UBAP2L: variants seen among roughly 807,000 people sequenced by gnomAD.
UBAP2L encodes the protein ubiquitin-associated protein 2-like.
Under a neutral mutation model 130.6 loss-of-function variants are expected in UBAP2L, and 12 were observed. The ratio of observed to expected loss-of-function variants is 0.09; its 90% confidence interval spans 0.06 to 0.15. The LOEUF (loss-of-function observed/expected upper bound fraction) is 0.15, where lower values mean the gene tolerates loss of function less well. UBAP2L is among the 10% of genes least tolerant of loss of function. UBAP2L has a pLI of 1.00. For synonymous variants in UBAP2L, 503 were observed against 524.7 expected, an observed-to-expected ratio of 0.96 and a Z score of 0.57; for missense variants, 965 against 1,332.5, an observed-to-expected ratio of 0.72 and a Z score of 4.29.
In UBAP2L at chr1:154,251,133, C is replaced by G. The variant is rs752667099; in HGVS notation, c.1306C>G (p.Gln436Glu). 6.2e-7 allele frequency: 1 copy of G among 1,614,054 alleles called. No individual in the cohort carries two copies. The highest frequency in any genetic ancestry group is 8.5e-7 in the Non-Finnish European group (1 of 1,180,040). ...TTCAACCATGATGGAGGTGTTCCTT[C>G]AGGAGAAGTCACCTGCAGTGGCTAC... ...PSSTMMEVFL[Q>E]EKSPAVATST... Residue 436 changes from glutamine to glutamate, a missense_variant, in exon 13 of 27, where the codon CAG (glutamine) becomes GAG (glutamate). Transcript: ENST00000428931.
At chr1:154,266,858 T>TC (rs35482991) in intron 25 of UBAP2L, among the ~76,000 whole-genome samples, 36,982 of 152,060 alleles carry the variant, frequency 0.24, 5,411 homozygotes, top group East Asian at 0.45. Context: ...TCCTACCTAC[T>TC]CCCAACCTTT....
At chr1:154,248,203 G>T (rs1676241533) in intron 11 of UBAP2L, among the ~76,000 whole-genome samples, 1 of 152,092 alleles carries the variant, frequency 6.6e-6, no homozygotes, top group South Asian at 2.1e-4. Context: ...CTGACCTAAG[G>T]TGAGCTGCCC....
intron 14 of UBAP2L, among the ~76,000 whole-genome samples, chr1:154,251,996 CAG>C (rs1677778518): frequency 6.6e-6 from 1 of 152,136 alleles, no homozygotes; most frequent in South Asian, 2.1e-4. Context: ...TTTTTAAACA[CAG>C]AGTTTCACTC....
rs189870856 is a variant in UBAP2L, at chr1:154,232,285, C to T, written c.280-2306C>T. 2.7e-5 allele frequency among the ~76,000 whole-genome samples: 4 copies of T among 150,770 alleles called. No individual in the cohort carries two copies. In the East Asian group the frequency reaches 7.8e-4, roughly 29 times the overall value. On this transcript the variant is annotated intron_variant, in intron 4 of 26. Transcript: ENST00000428931. The stretch of plus-strand genomic sequence containing the variant: ...GTTGCAGTGAGCCGAGATCGCACCA[C>T]TGCACTCCAGCATGGTGACAAAGTG...
chr1:154,235,405 T>G, intron 6 of UBAP2L, 114 bp downstream of exon 6: 2 of 602,596 alleles, frequency 3.3e-6, no homozygotes, highest in Non-Finnish European at 5.9e-6. Flanking sequence ...CAGGCCGGAG[T>G]GCAGTGGCAC....
At chr1:154,258,936 A>G in intron 20 of UBAP2L, 41 bp from the exon 21 acceptor site, 4 of 1,579,694 alleles carry the variant, frequency 2.5e-6, no homozygotes, top group Non-Finnish European at 3.5e-6. Context: ...TGCTAACATC[A>G]TGACCAGTTC....
upstream of UBAP2L, chr1:154,220,572 A>C (rs1665544811): frequency 1.5e-6 from 1 of 681,616 alleles, no homozygotes; most frequent in South Asian, 1.8e-5. Flanking sequence ...GCGGACAGGC[A>C]GGAGAGCTGG....
rs200622442 is a variant in UBAP2L at position 154,233,288 on chromosome 1, T to TA, written c.280-1302dup. 5.7e-3 allele frequency among the ~76,000 whole-genome samples: 874 copies of TA among 152,056 alleles called. 13 individuals are homozygous for TA. The highest frequency in any genetic ancestry group is 0.024 in the Middle Eastern group (7 of 292). ...CCTCGGCCTCCCAAAGTGCTGGAAT[T>TA]ACAGGCGTGAGTCACCGCGCCTGGC... On this transcript the variant is annotated intron_variant, in intron 4 of 26. Transcript: ENST00000428931.
intron 23 of UBAP2L, 132 bp from the exon 24 acceptor site, chr1:154,261,460 C>G: frequency 1.1e-6 from 1 of 877,282 alleles, no homozygotes. Context: ...GAGCTAATTT[C>G]ACTAAGCAAA....
chr1:154,250,232 A>AT (rs953167674), intron 12 of UBAP2L, among the ~76,000 whole-genome samples: 5 of 151,884 alleles, frequency 3.3e-5, no homozygotes, highest in Admixed American at 6.6e-5. Flanking sequence ...CTAATTTTTA[A>AT]TTTTTTGTAG....
intron 10 of UBAP2L, among the ~76,000 whole-genome samples, chr1:154,244,784 G>A (rs1264872122): frequency 6.6e-6 from 1 of 152,150 alleles, no homozygotes; most frequent in Non-Finnish European, 1.5e-5. Context: ...GTATCCTGAA[G>A]CTCTCCAAAT....
In UBAP2L at chr1:154,251,212, C is replaced by G. The variant is rs774812504; in HGVS notation, c.1385C>G (p.Ser462Trp). 1 of 1,614,182 alleles carries G rather than the reference C, an allele frequency of 6.2e-7. No individual in the cohort carries two copies. ...TCTCCTCTGCCAAGCAAATCCACAT[C>G]GGCTCCACAGATGTCGCCTGGATCT... ...PSSPLPSKST[S>W]APQMSPGSSD... The change falls in exon 13 of 27, where the codon TCG becomes TGG. Residue 462 changes from serine (S) to tryptophan (W), a missense_variant. Around this residue, in one of 9 missense-constraint regions of UBAP2L, gnomAD observed 74 missense variants for 97.1 expected, o/e 0.76. Transcript: ENST00000428931.
chr1:154,263,458 CAAA>C lies in UBAP2L; in HGVS notation c.2902+1764_2902+1766del, dbSNP rs966420299. ...GAAGGCATGTAGTTTCAACTTGTAA[CAAA>C]AATATTTGTAGTCTTCAATAAACTG... On this transcript the variant is annotated intron_variant, in intron 24 of 26. Coordinates refer to ENST00000428931, the MANE Select transcript of UBAP2L (RefSeq NM_014847.4). 2.5e-6 allele frequency: 3 copies of C among 1,177,638 alleles called. No individual in the cohort carries two copies. The African/African-American group carries it at 4.8e-5, about 19-fold the overall frequency. The allele number at this position is 1,177,638 out of a possible 1,614,324, so 72.9% of individuals were successfully genotyped here.
At position 154,270,821 on chromosome 1, in the gene UBAP2L, CT is replaced by C. The variant is rs1684624245; in HGVS notation, c.*528del. ...CCTCAAATTTAATGGATTAATGTGT[CT>C]TGTATATATAAAAAGAAAACCTCTA... On this transcript the variant is annotated 3_prime_UTR_variant, in exon 27 of 27. Coordinates refer to ENST00000428931, the MANE Select transcript of UBAP2L (RefSeq NM_014847.4). 9 of 847,384 alleles carry C rather than the reference CT, an allele frequency of 1.1e-5. No homozygotes were observed. The highest frequency in any genetic ancestry group is 1.5e-5 in the Non-Finnish European group (9 of 611,534). The allele number at this position is 847,384 out of a possible 1,614,324, so 52.5% of individuals were successfully genotyped here.
chr1:154,237,292 G>A (rs1477805850), intron 8 of UBAP2L, among the ~76,000 whole-genome samples, 156 bp downstream of exon 8: 1 of 152,206 alleles, frequency 6.6e-6, no homozygotes, highest in East Asian at 1.9e-4. Context: ...TACTGTTTAT[G>A]TAACGTGCAT....
intron 7 of UBAP2L, 94 bp from the exon 8 acceptor site, chr1:154,236,930 A>G (rs1671878025): frequency 3.2e-6 from 3 of 937,386 alleles, no homozygotes; most frequent in South Asian, 1.5e-5. Context: ...ACAGATTTGT[A>G]CTAGGAAGGA....
At chr1:154,232,549 T>A (rs1182507541) in intron 4 of UBAP2L, among the ~76,000 whole-genome samples, 1 of 152,272 alleles carries the variant, frequency 6.6e-6, no homozygotes, top group East Asian at 1.9e-4. Flanking sequence ...ATCATAGATA[T>A]GTATTTTTCA....
At chr1:154,224,968 C>T (rs1667461986) in intron 1 of UBAP2L, 116 bp from the exon 2 acceptor site, 1 of 621,772 alleles carries the variant, frequency 1.6e-6, no homozygotes, top group African/African-American at 1.8e-5. Flanking sequence ...ATAAATGAAT[C>T]TTATTGATTT....
chr1:154,250,531 G>A (rs1469215890), intron 12 of UBAP2L, among the ~76,000 whole-genome samples: 1 of 152,094 alleles, frequency 6.6e-6, no homozygotes, highest in Non-Finnish European at 1.5e-5. Flanking sequence ...CACAGACAGG[G>A]TAATGTTGAT....
Sources: allele counts gnomAD v4.1 joint callset (sites outside exome capture counted in the v4.1 genomes callset), GRCh38; gene constraint gnomAD v4.1.1; regional missense constraint gnomAD v4.1.1; transcripts MANE v1.5; gene names NCBI Gene and HGNC (gene_info 2026-07-23, HGNC 2026-07-21).